The following EXOC4 variants were observed in gnomAD, a reference collection of about 807,000 sequenced individuals.
EXOC4 encodes the protein exocyst complex component 4.
In EXOC4, 71 loss-of-function variants were observed where a neutral mutation model predicts 107.2. That is an observed-to-expected ratio of 0.66 (90% CI 0.55 to 0.81). The LOEUF is 0.81. EXOC4 is among the 30% of genes least tolerant of loss of function. The pLI, the probability that EXOC4 is intolerant of heterozygous loss-of-function variation, is 0.00. For synonymous variants in EXOC4, 456 were observed against 441.2 expected (o/e 1.03, Z -0.42); for missense variants, 1,108 against 1,189.6 (o/e 0.93, Z 1.01).
intron 14 of EXOC4, among the ~76,000 whole-genome samples, chr7:133,950,745 A>G (rs760999316): frequency 6.6e-6 from 1 of 152,240 alleles, no homozygotes; most frequent in Non-Finnish European, 1.5e-5. Context: ...CATTGTAGTC[A>G]GTCTTCATAC....
chr7:133,366,246 C>T (rs1319137003), intron 6 of EXOC4, among the ~76,000 whole-genome samples: 2 of 152,122 alleles, frequency 1.3e-5, no homozygotes, highest in Non-Finnish European at 2.9e-5. Flanking sequence ...TGTGACTGTT[C>T]CTTAATATGT....
At chr7:133,294,595 TA>T (rs1229461244) in intron 3 of EXOC4, among the ~76,000 whole-genome samples, 1 of 152,152 alleles carries the variant, frequency 6.6e-6, no homozygotes, top group Non-Finnish European at 1.5e-5. Flanking sequence ...GTTATTATGA[TA>T]ATTATAATAA....
At chr7:133,417,951 G>A (rs1374259275) in intron 7 of EXOC4, among the ~76,000 whole-genome samples, 1 of 152,108 alleles carries the variant, frequency 6.6e-6, no homozygotes, top group African/African-American at 2.4e-5. Context: ...TTAAGTGAAA[G>A]CCATAGTATT....
intron 9 of EXOC4, among the ~76,000 whole-genome samples, chr7:133,586,592 G>A (rs1025651396): frequency 3.9e-5 from 6 of 152,140 alleles, no homozygotes; most frequent in African/African-American, 1.4e-4. Context: ...ACATGTGCAT[G>A]TATCTTTATG....
chr7:133,825,206 GA>G (rs1216743134), intron 11 of EXOC4, among the ~76,000 whole-genome samples: 1 of 150,846 alleles, frequency 6.6e-6, no homozygotes, highest in Non-Finnish European at 1.5e-5. Context: ...AAGAAAGAAA[GA>G]AAAAAAGCCA....
intron 9 of EXOC4, among the ~76,000 whole-genome samples, chr7:133,497,500 C>T (rs1799500403): frequency 6.7e-6 from 1 of 150,330 alleles, no homozygotes; most frequent in Admixed American, 6.6e-5. Context: ...GATTGCGGCT[C>T]ACTCACTACA....
intron 12 of EXOC4, among the ~76,000 whole-genome samples, chr7:133,907,505 T>G (rs1042734856): frequency 1.3e-5 from 2 of 152,132 alleles, no homozygotes; most frequent in African/African-American, 2.4e-5. Flanking sequence ...TTTAAAAATA[T>G]CCTCAAAGTG....
At chr7:133,424,676 T>C (rs1389712638) in intron 7 of EXOC4, among the ~76,000 whole-genome samples, 1 of 152,194 alleles carries the variant, frequency 6.6e-6, no homozygotes, top group African/African-American at 2.4e-5. Context: ...TATTTAGAGG[T>C]AACATTATTT....
intron 10 of EXOC4, among the ~76,000 whole-genome samples, chr7:133,702,203 C>A (rs1020516333): frequency 6.6e-6 from 1 of 151,452 alleles, no homozygotes; most frequent in Admixed American, 6.6e-5. Context: ...ATATAACATA[C>A]CATTAAAATA....
intron 4 of EXOC4, among the ~76,000 whole-genome samples, chr7:133,311,900 TTTG>T (rs1794880188): frequency 6.6e-6 from 1 of 152,174 alleles, no homozygotes; most frequent in Non-Finnish European, 1.5e-5. Flanking sequence ...AATGCAGTTT[TTTG>T]TTCATAAGAT....
chr7:133,590,025 G>C (rs932731889), intron 9 of EXOC4, among the ~76,000 whole-genome samples: 33 of 152,058 alleles, frequency 2.2e-4, no homozygotes, highest in Admixed American at 6.6e-4. Context: ...GAAAAGAGGG[G>C]GTTCCTGCTA....
chr7:133,921,868 T>A (rs922229384), intron 13 of EXOC4, among the ~76,000 whole-genome samples: 2 of 151,600 alleles, frequency 1.3e-5, no homozygotes, highest in African/African-American at 2.4e-5. Context: ...GGATTGTATG[T>A]TTTTTAACTA....
At chr7:133,801,761 T>C (rs1796949663) in intron 10 of EXOC4, among the ~76,000 whole-genome samples, 1 of 152,290 alleles carries the variant, frequency 6.6e-6, no homozygotes, top group Non-Finnish European at 1.5e-5. Flanking sequence ...TCTCAGACCT[T>C]TCACAGTTGC....
At chr7:133,377,221 G>T (rs1796509891) in intron 7 of EXOC4, among the ~76,000 whole-genome samples, 2 of 152,088 alleles carry the variant, frequency 1.3e-5, no homozygotes, top group Admixed American at 6.5e-5. Flanking sequence ...GGGCGTGGTG[G>T]CAGGCACCTG....
At chr7:133,871,465 A>G (rs1350761186) in intron 11 of EXOC4, among the ~76,000 whole-genome samples, 4 of 152,086 alleles carry the variant, frequency 2.6e-5, no homozygotes, top group Non-Finnish European at 5.9e-5. Flanking sequence ...CATCTTAAAG[A>G]TGGCAAAAGT....
intron 10 of EXOC4, among the ~76,000 whole-genome samples, chr7:133,724,506 A>G (rs936127679): frequency 6.6e-6 from 1 of 152,168 alleles, no homozygotes; most frequent in African/African-American, 2.4e-5. Context: ...TGTGTACATT[A>G]TATTGTTCTA....
intron 14 of EXOC4, among the ~76,000 whole-genome samples, chr7:133,954,416 A>C (rs960281999): frequency 2.6e-4 from 40 of 152,214 alleles, no homozygotes; most frequent in African/African-American, 8.7e-4. Context: ...AAGACATTTA[A>C]GAATATCACT....
At chr7:133,811,819 A>G (rs1005860319) in intron 10 of EXOC4, among the ~76,000 whole-genome samples, 6 of 152,360 alleles carry the variant, frequency 3.9e-5, no homozygotes, top group South Asian at 2.1e-4. Context: ...CTGTAGTCCA[A>G]ACTCTTAGGA....
intron 7 of EXOC4, among the ~76,000 whole-genome samples, chr7:133,439,849 A>G (rs968750323): frequency 6.6e-6 from 1 of 152,184 alleles, no homozygotes; most frequent in South Asian, 2.1e-4. Flanking sequence ...GAATTGTGTA[A>G]TGTGTAGAGA....
Sources: allele counts gnomAD v4.1 joint callset (sites outside exome capture counted in the v4.1 genomes callset), GRCh38; gene constraint gnomAD v4.1.1; transcripts MANE v1.5; gene names NCBI Gene and HGNC (gene_info 2026-07-23, HGNC 2026-07-21).